Variants in TGFB3 observed in about 807,000 individuals in gnomAD.
The protein encoded by TGFB3 is transforming growth factor beta-3 proprotein.
Under a neutral mutation model 40.1 loss-of-function variants are expected in TGFB3, and 5 were observed. That is an observed-to-expected ratio of 0.12 (90% confidence interval 0.07 to 0.26). The LOEUF (loss-of-function observed/expected upper bound fraction) is 0.26. TGFB3 is among the 10% of genes least tolerant of loss of function. The pLI is 1.00. For synonymous variants in TGFB3, 184 were observed against 205.6 expected, an observed-to-expected ratio of 0.89 and a Z score of 0.90; for missense variants, 373 against 530.1, an observed-to-expected ratio of 0.70 and a Z score of 2.91.
chr14:75,963,515 T>A lies in TGFB3; in HGVS notation c.755-28A>T, dbSNP rs758111313. ...GAAGAAGGGAAGGAAAGTGACAATCTCCTGTCTGAAGAGAGCAGAGCCCTT... is the reference window on the plus strand; with the variant it reads ...GAAGAAGGGAAGGAAAGTGACAATCACCTGTCTGAAGAGAGCAGAGCCCTT... On this transcript the variant is annotated intron_variant, in intron 4 of 6. Transcript: ENST00000238682. 60 of 1,613,690 alleles carry A rather than the reference T, an allele frequency of 3.7e-5. No homozygotes were observed. In the Middle Eastern group the frequency reaches 6.6e-4, roughly 18 times the overall value.
intron 5 of TGFB3, 48 bp downstream of exon 5, chr14:75,963,268 G>A (rs1238385266): frequency 6.2e-7 from 1 of 1,611,338 alleles, no homozygotes; most frequent in Non-Finnish European, 8.5e-7. Context: ...TAGCCATTGG[G>A]CAGTAGGCAG....
intron 1 of TGFB3, among the ~76,000 whole-genome samples, chr14:75,976,567 G>C (rs1441453850): frequency 1.3e-5 from 2 of 152,070 alleles, no homozygotes; most frequent in East Asian, 3.8e-4. Context: ...TTAAAAATTG[G>C]AACACTTCAC....
chr14:75,977,963 C>T (rs2035374974), intron 1 of TGFB3, among the ~76,000 whole-genome samples: 2 of 152,048 alleles, frequency 1.3e-5, no homozygotes, highest in Non-Finnish European at 2.9e-5. Context: ...GTCTCAGTTT[C>T]CTTATCTGTA....
At chr14:75,959,463 G>T in intron 6 of TGFB3, 118 bp from the exon 7 acceptor site, 2 of 1,256,856 alleles carry the variant, frequency 1.6e-6, no homozygotes, top group Non-Finnish European at 2.3e-6. Flanking sequence ...ATGGCCACGG[G>T]TGCTCTTTAA....
intron 1 of TGFB3, among the ~76,000 whole-genome samples, chr14:75,976,814 G>T (rs559148211): frequency 6.6e-6 from 1 of 152,238 alleles, no homozygotes; most frequent in East Asian, 1.9e-4. Context: ...CAGATCATTT[G>T]CATTTCCTGC....
At position 75,980,721 on chromosome 14, in the gene TGFB3, T is replaced by C. The variant is rs1180676806; in HGVS notation, c.173A>G (p.Glu58Gly). The change falls in exon 1 of 7, where the codon GAG (glutamate) becomes GGG (glycine). Residue 58 changes from glutamate (E) to glycine (G), a missense_variant. Transcript: ENST00000238682. This position sits in a 1 kb window ranked among gnomAD's most constrained non-coding sequence, Gnocchi z 4.3. ...GGGGACGTGGGTCATCACCGTTGGC[T>C]CAGGGGGGCTGGTGAGCCTGAGCTT... ...LSKLRLTSPPEPTVMTHVPYQ... is the reference protein window; with the variant it reads ...LSKLRLTSPPGPTVMTHVPYQ... 6.2e-7 allele frequency: 1 copy of C among 1,614,156 alleles called. No homozygotes were observed. Among genetic ancestry groups the C allele is most frequent in the Admixed American group, 1.7e-5 (1 of 60,020 alleles).
chr14:75,962,454 A>C (rs1406742254), intron 5 of TGFB3, among the ~76,000 whole-genome samples: 1 of 152,126 alleles, frequency 6.6e-6, no homozygotes, highest in African/African-American at 2.4e-5. Context: ...TTCCAGATCT[A>C]AATATTTCCC....
intron 3 of TGFB3, chr14:75,966,065 T>C: frequency 2.9e-6 from 1 of 341,756 alleles, no homozygotes; most frequent in Non-Finnish European, 5.7e-6. Context: ...ACTCATGCCA[T>C]CTACATGGTT....
chr14:75,962,126 T>C (rs1179173139), intron 5 of TGFB3, among the ~76,000 whole-genome samples: 1 of 152,052 alleles, frequency 6.6e-6, no homozygotes, highest in Non-Finnish European at 1.5e-5. Flanking sequence ...CATGGCAGAC[T>C]GGAAAGAGAG....
At chr14:75,960,768 G>C in intron 6 of TGFB3, 155 bp downstream of exon 6, 1 of 946,440 alleles carries the variant, frequency 1.1e-6, no homozygotes, top group Non-Finnish European at 1.6e-6. Flanking sequence ...GTAGAACTGA[G>C]TCAGGGTGCC....
At chr14:75,967,962 T>A (rs566259680) in intron 3 of TGFB3, among the ~76,000 whole-genome samples, 1 of 152,296 alleles carries the variant, frequency 6.6e-6, no homozygotes, top group African/African-American at 2.4e-5. Context: ...GTGTCCCACC[T>A]TTCCTGAGCC....
intron 1 of TGFB3, among the ~76,000 whole-genome samples, chr14:75,973,321 G>GT (rs2035315953): frequency 6.6e-6 from 1 of 152,250 alleles, no homozygotes; most frequent in Non-Finnish European, 1.5e-5. Flanking sequence ...GGATGAGTGA[G>GT]TGTTTCTGGA....
chr14:75,981,787 T>A lies in TGFB3; in HGVS notation c.-894A>T, dbSNP rs1047804769. 2.6e-5 allele frequency: 4 copies of A among 152,062 alleles called. No homozygotes were observed. The highest frequency in any genetic ancestry group is 9.7e-5 in the African/African-American group (4 of 41,366). The allele number at this position is 152,062 out of a possible 1,614,324, so 9.4% of individuals were successfully genotyped here. A position where few individuals can be genotyped will look rare whatever the true frequency, so the allele number is the denominator to read the frequency against. On this transcript the variant is annotated 5_prime_UTR_variant, in exon 1 of 7. Transcript: ENST00000238682. This position sits in a 1 kb window ranked among gnomAD's most constrained non-coding sequence, Gnocchi z 4.7. Reference sequence around the variant, plus strand: ...TTAAAAAATAAAAAGGAGAAAAAAATAAAATAAAATAGAAGCCAGTTCACG... The same window carrying A: ...TTAAAAAATAAAAAGGAGAAAAAAAAAAAATAAAATAGAAGCCAGTTCACG...
In TGFB3 at chr14:75,971,716, C is replaced by T; in HGVS notation, c.355G>A (p.Glu119Lys). The T allele has an allele frequency of 1.2e-6, 2 of 1,614,158 alleles. No homozygotes were observed. The highest frequency in any genetic ancestry group is 2.2e-5 in the East Asian group (1 of 44,890). The change falls in exon 2 of 7, where the codon GAA becomes AAA. Residue 119 changes from glutamate (E) to lysine (K), a missense_variant and splice_region_variant. Glu to Lys is a moderately conservative substitution (Grantham distance 56). Transcript: ENST00000238682. This position sits in a 1 kb window ranked among gnomAD's most constrained non-coding sequence, Gnocchi z 4.5. The part of the protein sequence containing the change: ...DMIQGLAEHN[E>K]LAVCPKGITS... ...ATTCCTTTAGGGCAGACAGCCAGTT[C>T]GTCTAGGAGATAAAGCAGAGCAGAG...
In TGFB3 at chr14:75,978,355, A is replaced by G. The variant is rs2035380279; in HGVS notation, c.352+2187T>C. Among the ~76,000 whole-genome samples, 1 of 151,880 alleles carries G rather than the reference A, an allele frequency of 6.6e-6. No homozygotes were observed. Among genetic ancestry groups the G allele is most frequent in the Non-Finnish European group, 1.5e-5 (1 of 67,974 alleles). ...TGATGGCTCTCTGCTCCTGCTCAGCACCTGCCCACTGCCTTCTTTATAGTT... is the reference window on the plus strand; with the variant it reads ...TGATGGCTCTCTGCTCCTGCTCAGCGCCTGCCCACTGCCTTCTTTATAGTT... On this transcript the variant is annotated intron_variant, in intron 1 of 6. Coordinates refer to ENST00000238682, the MANE Select transcript of TGFB3 (RefSeq NM_003239.5). The surrounding 1 kb of genome is among the most constrained non-coding windows in gnomAD (Gnocchi z 5.0).
intron 4 of TGFB3, among the ~76,000 whole-genome samples, chr14:75,964,039 G>A (rs2035192329): frequency 6.6e-6 from 1 of 152,078 alleles, no homozygotes; most frequent in African/African-American, 2.4e-5. Context: ...ACCATGCCCA[G>A]CTATTTTTGT....
chr14:75,963,522 T>A, intron 4 of TGFB3, 35 bp from the exon 5 acceptor site: 1 of 1,613,552 alleles, frequency 6.2e-7, no homozygotes, highest in Non-Finnish European at 8.5e-7. Flanking sequence ...ATCTCCTGTC[T>A]GAAGAGAGCA....
At chr14:75,963,850 T>A (rs1288168388) in intron 4 of TGFB3, among the ~76,000 whole-genome samples, 1 of 151,822 alleles carries the variant, frequency 6.6e-6, no homozygotes, top group Non-Finnish European at 1.5e-5. Flanking sequence ...ACCTAACACA[T>A]ATCTCCGGGT....
chr14:75,959,784 A>C (rs1044212817), intron 6 of TGFB3, among the ~76,000 whole-genome samples: 3 of 151,896 alleles, frequency 2.0e-5, no homozygotes, highest in Non-Finnish European at 4.4e-5. Flanking sequence ...AAAGAAAAAA[A>C]AAAAAACTGT....
Sources: allele counts gnomAD v4.1 joint callset (sites outside exome capture counted in the v4.1 genomes callset), GRCh38; gene constraint gnomAD v4.1.1; non-coding constraint Gnocchi (gnomAD v3.1); transcripts MANE v1.5; gene names NCBI Gene and HGNC (gene_info 2026-07-23, HGNC 2026-07-21).